RBFOX1: variants seen among roughly 807,000 people sequenced by gnomAD.
The protein encoded by RBFOX1 is RNA binding fox-1 homolog 1.
Under a neutral mutation model 57.7 loss-of-function variants are expected in RBFOX1, and 8 were observed. The ratio of observed to expected loss-of-function variants is 0.14; its 90% CI spans 0.08 to 0.25. The LOEUF (loss-of-function observed/expected upper bound fraction) is 0.25. Ranked by LOEUF, RBFOX1 falls within the 10% of genes least tolerant of loss-of-function variation. The probability of loss-of-function intolerance (pLI) is 1.00; values close to 1 mark genes in which losing one functional copy is unlikely to be tolerated. For missense variants in RBFOX1, 611 were observed against 548.5 expected (o/e 1.11, Z -1.14); for synonymous variants, 326 against 222.4 (o/e 1.47, Z -4.15).
chr16:5,430,446 A>G (rs1451257399), intron 1 of RBFOX1, among the ~76,000 whole-genome samples: 1 of 152,158 alleles, frequency 6.6e-6, no homozygotes, highest in Non-Finnish European at 1.5e-5. Flanking sequence ...GGCAGGTGAT[A>G]TGAGAGAGCT....
At chr16:6,089,065 CAA>C (rs5815283) in intron 1 of RBFOX1, among the ~76,000 whole-genome samples, 47,635 of 137,894 alleles carry the variant, frequency 0.35, 9,370 homozygotes, top group Non-Finnish European at 0.46. Flanking sequence ...AACTCTGTCT[CAA>C]AAAAAAAAAA....
chr16:5,823,026 T>G (rs1228122339), intron 3 of RBFOX1, among the ~76,000 whole-genome samples: 1 of 152,114 alleles, frequency 6.6e-6, no homozygotes, highest in Non-Finnish European at 1.5e-5. Context: ...TCTCAAGGAC[T>G]TATTCATCAG....
Position 7,302,565 on chromosome 16 carries a change from G to C in RBFOX1, c.28-215582G>C, listed in dbSNP as rs530175465. ...CAGGTCAGTGAGAAGCTGTCAGCAA[G>C]GTTTCTTTCAGGAAGCCCAACAATC... On this transcript the variant is annotated intron_variant, in intron 4 of 15. Coordinates refer to ENST00000550418, the MANE Select transcript of RBFOX1 (RefSeq NM_018723.4). Among the ~76,000 whole-genome samples the C allele has an allele frequency of 1.1e-4, 17 of 151,898 alleles. No homozygotes were observed. The South Asian group carries it at 3.1e-3, about 28-fold the overall frequency.
chr16:7,113,036 C>A (rs961081678), intron 4 of RBFOX1, among the ~76,000 whole-genome samples: 1 of 152,170 alleles, frequency 6.6e-6, no homozygotes, highest in African/African-American at 2.4e-5. Flanking sequence ...GAACTGGAGT[C>A]AGAGAAAGCC....
intron 3 of RBFOX1, among the ~76,000 whole-genome samples, chr16:6,880,399 T>C (rs1251790973): frequency 6.6e-6 from 1 of 152,164 alleles, no homozygotes. Context: ...CACCGCCCTG[T>C]TGCAGGAATG....
At chr16:7,396,480 C>T (rs978331625) in intron 4 of RBFOX1, among the ~76,000 whole-genome samples, 4 of 152,232 alleles carry the variant, frequency 2.6e-5, no homozygotes, top group Non-Finnish European at 4.4e-5. Flanking sequence ...CGCTTCCCTA[C>T]ACGTCCTGAT....
chr16:6,943,123 C>G (rs11864260), intron 3 of RBFOX1, among the ~76,000 whole-genome samples: 3 of 152,138 alleles, frequency 2.0e-5, no homozygotes, highest in Non-Finnish European at 4.4e-5. Context: ...GTATTCATTC[C>G]TTAGCTGCTG....
intron 13 of RBFOX1, among the ~76,000 whole-genome samples, chr16:7,671,797 A>T (rs1224874495): frequency 6.6e-6 from 1 of 152,148 alleles, no homozygotes; most frequent in East Asian, 1.9e-4. Context: ...CAGTATATCC[A>T]CTGTGTTGTG....
At chr16:7,095,047 A>C (rs1477812044) in intron 4 of RBFOX1, among the ~76,000 whole-genome samples, 1 of 152,060 alleles carries the variant, frequency 6.6e-6, no homozygotes, top group Non-Finnish European at 1.5e-5. Context: ...GTTATTTGCA[A>C]ATCTGTCTAT....
At chr16:7,256,420 G>A (rs540047272) in intron 4 of RBFOX1, among the ~76,000 whole-genome samples, 3 of 152,190 alleles carry the variant, frequency 2.0e-5, no homozygotes, top group Admixed American at 6.5e-5. Flanking sequence ...CATGGGAGAA[G>A]CCTACACTAG....
intron 3 of RBFOX1, among the ~76,000 whole-genome samples, chr16:6,865,564 T>C (rs1163261310): frequency 6.6e-6 from 1 of 152,168 alleles, no homozygotes; most frequent in Non-Finnish European, 1.5e-5. Flanking sequence ...GAAATACAAT[T>C]TGTATTAATT....
chr16:5,805,356 AATTCT>A (rs2055191844), intron 3 of RBFOX1, among the ~76,000 whole-genome samples: 2 of 152,186 alleles, frequency 1.3e-5, no homozygotes, highest in South Asian at 4.1e-4. Flanking sequence ...ATAAGTTCAA[AATTCT>A]ATTAACTAGT....
chr16:7,282,674 C>A (rs1439930926), intron 4 of RBFOX1, among the ~76,000 whole-genome samples: 1 of 151,922 alleles, frequency 6.6e-6, no homozygotes, highest in Non-Finnish European at 1.5e-5. Context: ...TTGGGTGCAC[C>A]CATCACCTGA....
intron 4 of RBFOX1, among the ~76,000 whole-genome samples, chr16:7,371,268 C>T (rs915284467): frequency 6.6e-6 from 1 of 152,174 alleles, no homozygotes; most frequent in African/African-American, 2.4e-5. Flanking sequence ...TGCCACAGTC[C>T]TACCACTGAG....
At chr16:6,203,256 C>G (rs1056963281) in intron 1 of RBFOX1, among the ~76,000 whole-genome samples, 46 of 152,130 alleles carry the variant, frequency 3.0e-4, no homozygotes, top group African/African-American at 1.1e-3. Context: ...GTACTTCCCC[C>G]TTCTCCAACC....
intron 1 of RBFOX1, among the ~76,000 whole-genome samples, chr16:6,194,534 T>G (rs1289001179): frequency 6.6e-6 from 1 of 152,202 alleles, no homozygotes; most frequent in Non-Finnish European, 1.5e-5. Flanking sequence ...CTCATTTCTC[T>G]GTCTTTATGT....
At chr16:5,775,935 G>C (rs995612534) in intron 3 of RBFOX1, among the ~76,000 whole-genome samples, 2 of 152,178 alleles carry the variant, frequency 1.3e-5, no homozygotes, top group African/African-American at 4.8e-5. Context: ...AGGTGCCCCT[G>C]TTCTTGTCTG....
At chr16:7,187,561 C>A (rs28412923) in intron 4 of RBFOX1, among the ~76,000 whole-genome samples, 6 of 150,896 alleles carry the variant, frequency 4.0e-5, no homozygotes, top group African/African-American at 7.3e-5. Flanking sequence ...TGGTGGCGGG[C>A]GCCTGTAGTC....
At chr16:6,486,524 G>C (rs537234201) in intron 2 of RBFOX1, among the ~76,000 whole-genome samples, 21 of 152,242 alleles carry the variant, frequency 1.4e-4, no homozygotes, top group African/African-American at 5.1e-4. Flanking sequence ...ATCAAAGGGA[G>C]TTGGCGTAAG....
Sources: allele counts gnomAD v4.1 joint callset (sites outside exome capture counted in the v4.1 genomes callset), GRCh38; gene constraint gnomAD v4.1.1; transcripts MANE v1.5; gene names NCBI Gene and HGNC (gene_info 2026-07-23, HGNC 2026-07-21).